ERBB4: variants seen among roughly 807,000 people sequenced by gnomAD.
ERBB4 encodes erb-b2 receptor tyrosine kinase 4.
Under a neutral mutation model 158.0 loss-of-function variants are expected in ERBB4, and 42 were observed. That is an observed-to-expected ratio of 0.27 (90% CI 0.21 to 0.34). ERBB4 has a LOEUF of 0.34. ERBB4 is among the 10% of genes least tolerant of loss of function. The pLI, the probability that ERBB4 is intolerant of heterozygous loss-of-function variation, is 1.00. For missense variants in ERBB4, 1,333 were observed against 1,624.1 expected (o/e 0.82, Z 3.08); for synonymous variants, 583 against 558.7 (o/e 1.04, Z -0.61).
chr2:212,261,952 T>A (rs960659400), intron 1 of ERBB4, among the ~76,000 whole-genome samples: 1 of 152,028 alleles, frequency 6.6e-6, no homozygotes, highest in African/African-American at 2.4e-5. Flanking sequence ...AATGTAAAAA[T>A]TTATTTTTAC....
chr2:211,886,981 G>A (rs1433825275), intron 3 of ERBB4, among the ~76,000 whole-genome samples: 1 of 152,100 alleles, frequency 6.6e-6, no homozygotes, highest in Non-Finnish European at 1.5e-5. Context: ...CCACTTCTCT[G>A]CACCTTCAAA....
At position 212,427,779 on chromosome 2, in the gene ERBB4, G is replaced by A. The variant is rs143948328; in HGVS notation, c.82+110670C>T. Among the ~76,000 whole-genome samples the A allele has an allele frequency of 1.7e-3, 260 of 152,128 alleles. 2 individuals carry two copies. The highest frequency in any genetic ancestry group is 6.8e-3 in the Middle Eastern group (2 of 294). On this transcript the variant is annotated intron_variant, in intron 1 of 27. Coordinates refer to ENST00000342788, the MANE Select transcript of ERBB4 (RefSeq NM_005235.3). ...TGCCTGTCCTGGTTGCTCTCTTTTC[G>A]TTTAATATTCCAGGGAATGTGAGAG...
At chr2:212,311,704 A>G (rs1474885330) in intron 1 of ERBB4, among the ~76,000 whole-genome samples, 1 of 151,036 alleles carries the variant, frequency 6.6e-6, no homozygotes, top group Non-Finnish European at 1.5e-5. Flanking sequence ...TTTGCAGAAT[A>G]TATTCATAAC....
intron 9 of ERBB4, among the ~76,000 whole-genome samples, chr2:211,706,531 T>C (rs749195087): frequency 2.6e-5 from 4 of 151,580 alleles, no homozygotes; most frequent in Non-Finnish European, 5.9e-5. Context: ...AACCACCTTG[T>C]ACTGGCTTCC....
intron 2 of ERBB4, among the ~76,000 whole-genome samples, chr2:212,052,323 C>T (rs2077422759): frequency 6.6e-6 from 1 of 152,226 alleles, no homozygotes; most frequent in Non-Finnish European, 1.5e-5. Flanking sequence ...GAAAGCTGCA[C>T]TGTTGGCTTC....
intron 2 of ERBB4, among the ~76,000 whole-genome samples, chr2:212,121,670 C>A (rs184007496): frequency 4.6e-5 from 7 of 152,326 alleles, no homozygotes; most frequent in African/African-American, 1.7e-4. Flanking sequence ...TATTCTATTT[C>A]ACCTGAAACT....
intron 4 of ERBB4, among the ~76,000 whole-genome samples, chr2:211,775,051 A>C (rs961261953): frequency 2.6e-5 from 4 of 152,154 alleles, no homozygotes; most frequent in African/African-American, 9.7e-5. Flanking sequence ...CTCTGTAGGA[A>C]GGTTGTTTCC....
chr2:211,794,403 T>G (rs769283910), intron 3 of ERBB4, among the ~76,000 whole-genome samples: 5 of 151,936 alleles, frequency 3.3e-5, no homozygotes, highest in Non-Finnish European at 7.4e-5. Context: ...TTGTCTCCCC[T>G]ATCTTATTGG....
At chr2:211,566,932 T>C (rs2125734538) in intron 19 of ERBB4, among the ~76,000 whole-genome samples, 1 of 152,356 alleles carries the variant, frequency 6.6e-6, no homozygotes, top group East Asian at 1.9e-4. Context: ...AAGAAGATCT[T>C]AGGAGTCTCC....
At chr2:212,050,575 A>C (rs576162076) in intron 2 of ERBB4, among the ~76,000 whole-genome samples, 1 of 152,256 alleles carries the variant, frequency 6.6e-6, no homozygotes, top group African/African-American at 2.4e-5. Context: ...AATAAATATA[A>C]TATTTTAAAT....
intron 1 of ERBB4, among the ~76,000 whole-genome samples, chr2:212,390,610 C>T (rs1348830498): frequency 6.6e-6 from 1 of 151,752 alleles, no homozygotes; most frequent in African/African-American, 2.4e-5. Context: ...TGAGGGATTA[C>T]AAAATGTAAT....
chr2:212,428,014 T>C (rs985132913), intron 1 of ERBB4, among the ~76,000 whole-genome samples: 1 of 152,146 alleles, frequency 6.6e-6, no homozygotes, highest in Admixed American at 6.6e-5. Flanking sequence ...ATAATGTCTT[T>C]ATATTGAAGG....
chr2:212,072,992 TGAGAA>T (rs1188152859), intron 2 of ERBB4, among the ~76,000 whole-genome samples: 1 of 151,904 alleles, frequency 6.6e-6, no homozygotes, highest in Non-Finnish European at 1.5e-5. Flanking sequence ...AAAGCTTGCT[TGAGAA>T]AACAGTGCCT....
chr2:212,173,595 T>C (rs779814350), intron 1 of ERBB4, among the ~76,000 whole-genome samples: 10 of 152,180 alleles, frequency 6.6e-5, no homozygotes, highest in Non-Finnish European at 1.5e-4. Flanking sequence ...GAGATTTCAC[T>C]GAATGCATGC....
intron 19 of ERBB4, among the ~76,000 whole-genome samples, chr2:211,616,660 C>A (rs1392914685): frequency 6.6e-6 from 1 of 152,088 alleles, no homozygotes; most frequent in Non-Finnish European, 1.5e-5. Context: ...ATACTAAATT[C>A]ACCGTTGATG....
chr2:212,061,972 T>C (rs995425938), intron 2 of ERBB4, among the ~76,000 whole-genome samples: 1 of 152,020 alleles, frequency 6.6e-6, no homozygotes, highest in Admixed American at 6.6e-5. Flanking sequence ...TGACCTCAGG[T>C]GATCCACCTG....
intron 1 of ERBB4, among the ~76,000 whole-genome samples, chr2:212,242,981 C>A (rs748779712): frequency 6.6e-6 from 1 of 152,108 alleles, no homozygotes; most frequent in Non-Finnish European, 1.5e-5. Flanking sequence ...AGCACCCTCC[C>A]CTTTTCCCCA....
intron 1 of ERBB4, among the ~76,000 whole-genome samples, chr2:212,293,862 A>C (rs1009391140): frequency 2.8e-5 from 4 of 143,124 alleles, no homozygotes; most frequent in South Asian, 2.2e-4. Context: ...AAAAAAACAA[A>C]AAAAAAAAAA....
chr2:212,029,374 G>C (rs1407199230), intron 2 of ERBB4, among the ~76,000 whole-genome samples: 1 of 152,028 alleles, frequency 6.6e-6, no homozygotes, highest in Non-Finnish European at 1.5e-5. Context: ...CCACTTTGGG[G>C]CTTCCCTGCC....
Sources: gnomAD v4.1 joint callset for allele counts (sites outside exome capture counted in the v4.1 genomes callset) on GRCh38, gnomAD v4.1.1 for gene constraint, MANE v1.5 for transcripts, NCBI Gene and HGNC (gene_info 2026-07-23, HGNC 2026-07-21) for gene names.